PCDHGB1: variants seen among roughly 807,000 people sequenced by gnomAD.
PCDHGB1 encodes protocadherin gamma-B1.
Under a neutral mutation model 56.6 loss-of-function variants are expected in PCDHGB1, and 34 were observed. The observed-to-expected ratio is 0.60, with a 90% confidence interval of 0.46 to 0.80. The LOEUF is 0.80. PCDHGB1 is among the 30% of genes least tolerant of loss of function. The pLI, the probability that PCDHGB1 is intolerant of heterozygous loss-of-function variation, is 0.00. For missense variants in PCDHGB1, 1,278 were observed against 1,204.6 expected (o/e 1.06, Z -0.90); for synonymous variants, 561 against 505.9 (o/e 1.11, Z -1.46).
intron 1 of PCDHGB1, chr5:141,392,740 G>A: frequency 1.4e-6 from 2 of 1,435,578 alleles, no homozygotes. Context: ...CATCTCCATA[G>A]CTGCGGCAAG....
chr5:141,389,442 C>T, intron 1 of PCDHGB1: 2 of 1,610,586 alleles, frequency 1.2e-6, no homozygotes, highest in Non-Finnish European at 1.7e-6. Context: ...CGCCTTCGAC[C>T]ACGAGCAGCT....
chr5:141,398,689 G>T, intron 1 of PCDHGB1: 1 of 1,613,766 alleles, frequency 6.2e-7, no homozygotes, highest in Non-Finnish European at 8.5e-7. Context: ...GAAACAGGAT[G>T]GTAGTAAATA....
chr5:141,408,655 A>G (rs778418746), intron 1 of PCDHGB1: 1 of 1,613,928 alleles, frequency 6.2e-7, no homozygotes, highest in African/African-American at 1.3e-5. Flanking sequence ...CTGGTACACG[A>G]CTATCGCTTG....
At chr5:141,494,161 T>G (rs1420295862) in intron 1 of PCDHGB1, among the ~76,000 whole-genome samples, 3 of 152,052 alleles carry the variant, frequency 2.0e-5, no homozygotes, top group African/African-American at 7.3e-5. Flanking sequence ...TGGCACGGAG[T>G]TCTAGGGGTG....
chr5:141,404,725 G>A (rs1381392805), intron 1 of PCDHGB1: 1 of 1,613,980 alleles, frequency 6.2e-7, no homozygotes, highest in Non-Finnish European at 8.5e-7. Context: ...TGACCAAGGT[G>A]GTGGCAGTGG....
chr5:141,355,642 C>T lies in PCDHGB1; in HGVS notation c.2409+2973C>T, dbSNP rs559980851. The T allele has an allele frequency of 2.0e-5, 33 of 1,613,968 alleles. No homozygotes were observed. Among genetic ancestry groups the T allele is most frequent in the Middle Eastern group, 3.3e-4 (2 of 6,062 alleles). On this transcript the variant is annotated intron_variant, in intron 1 of 3. Transcript: ENST00000523390. Reference sequence around the variant, plus strand: ...AATAAAAGTTGCTGAAAATGAAAATCCTGGGGCAAGATTTCCTCTTCCTGA... The same window carrying T: ...AATAAAAGTTGCTGAAAATGAAAATTCTGGGGCAAGATTTCCTCTTCCTGA...
intron 1 of PCDHGB1, chr5:141,390,073 G>C: frequency 6.2e-7 from 1 of 1,614,074 alleles, no homozygotes; most frequent in Non-Finnish European, 8.5e-7. Context: ...CCTGGTCTCT[G>C]TGTTAAATCC....
chr5:141,370,336 G>A, intron 1 of PCDHGB1: 1 of 1,441,770 alleles, frequency 6.9e-7, no homozygotes, highest in Non-Finnish European at 9.4e-7. Flanking sequence ...GAGAACTCTT[G>A]GGATTATTTA....
rs1457099502 is a variant in PCDHGB1 at position 141,477,430 on chromosome 5, A to G, written c.2410-17377A>G. The G allele has an allele frequency of 1.2e-6, 2 of 1,614,162 alleles. No individual in the cohort carries two copies. The highest frequency in any genetic ancestry group is 1.7e-6 in the Non-Finnish European group (2 of 1,180,020). Reference sequence around the variant, plus strand: ...GAGACGCCGGAACCCCTTCCCTCTCAGCCCTTACAATAGTGCGTGTTCAAG... The same window carrying G: ...GAGACGCCGGAACCCCTTCCCTCTCGGCCCTTACAATAGTGCGTGTTCAAG... On this transcript the variant is annotated intron_variant, in intron 1 of 3. Transcript: ENST00000523390. This position sits in a 1 kb window ranked among gnomAD's most constrained non-coding sequence, Gnocchi z 4.9.
At position 141,505,504 on chromosome 5, in the gene PCDHGB1, T is replaced by C. The variant is rs756583857; in HGVS notation, c.2557+23T>C. The C allele has an allele frequency of 9.3e-6, 15 of 1,614,020 alleles. No individual in the cohort carries two copies. The African/African-American group carries it at 1.2e-4, about 13-fold the overall frequency. ...GTGGTAAGTGGTGTCAGTGTGTGTA[T>C]GGAAGAGTGGGAGACCTGGGGTTCT... On this transcript the variant is annotated intron_variant, in intron 3 of 3. Transcript: ENST00000523390.
chr5:141,376,611 C>G lies in PCDHGB1; in HGVS notation c.2409+23942C>G. 2.1e-6 allele frequency: 3 copies of G among 1,439,262 alleles called. No individual in the cohort carries two copies. The East Asian group carries it at 7.3e-5, about 35-fold the overall frequency. The allele number at this position is 1,439,262 out of a possible 1,614,324, so 89.2% of individuals were successfully genotyped here. A position where few individuals can be genotyped will look rare whatever the true frequency, so the allele number is the denominator to read the frequency against. On this transcript the variant is annotated intron_variant, in intron 1 of 3. Coordinates refer to ENST00000523390, the MANE Select transcript of PCDHGB1 (RefSeq NM_018922.3). ...GATCGGCTGTTATAGAAGCGAACCT[C>G]TTTTGGTACAGGAAGATTCGTGATT...
At chr5:141,502,082 G>A (rs538827992) in intron 2 of PCDHGB1, among the ~76,000 whole-genome samples, 1 of 152,252 alleles carries the variant, frequency 6.6e-6, no homozygotes, top group Non-Finnish European at 1.5e-5. Flanking sequence ...ACCTGGGGCT[G>A]AGAACACCTG....
At chr5:141,465,094 GT>G (rs138941665) in intron 1 of PCDHGB1, among the ~76,000 whole-genome samples, 203 of 148,178 alleles carry the variant, frequency 1.4e-3, no homozygotes, top group Admixed American at 7.3e-3. Context: ...TTTTCTAGTA[GT>G]TTTTTTTTTA....
At chr5:141,413,605 G>A in intron 1 of PCDHGB1, 1 of 1,613,854 alleles carries the variant, frequency 6.2e-7, no homozygotes, top group Non-Finnish European at 8.5e-7. Flanking sequence ...AAATCTAGAC[G>A]TAAAAATTAA....
rs1391608601 is a variant in PCDHGB1 at position 141,511,893 on chromosome 5, A to G, written c.*720A>G. The G allele has an allele frequency of 6.4e-6, 1 of 155,062 alleles. No homozygotes were observed. Among genetic ancestry groups the G allele is most frequent in the East Asian group, 1.9e-4 (1 of 5,240 alleles). 9.6% of individuals were successfully genotyped at this position (155,062 alleles called of 1,614,324 possible). A position where few individuals can be genotyped will look rare whatever the true frequency, so the allele number is the denominator to read the frequency against. On this transcript the variant is annotated 3_prime_UTR_variant, in exon 4 of 4. Transcript: ENST00000523390. ...TCCACTGCATGCCTTGACTTCCCCC[A>G]CCTCCTCCTCAAACAAGAGACTCCA...
Position 141,490,685 on chromosome 5 carries a change from A to G in PCDHGB1, c.2410-4122A>G, listed in dbSNP as rs2099703028. On this transcript the variant is annotated intron_variant, in intron 1 of 3. Coordinates refer to ENST00000523390, the MANE Select transcript of PCDHGB1 (RefSeq NM_018922.3). The surrounding 1 kb of genome is among the most constrained non-coding windows in gnomAD (Gnocchi z 5.4). ...TGCACTGTGGCTGCCTCAGATCCAGACACTGGGGATAATGCCCGCCTCACC... is the reference window on the plus strand; with the variant it reads ...TGCACTGTGGCTGCCTCAGATCCAGGCACTGGGGATAATGCCCGCCTCACC... The G allele has an allele frequency of 1.9e-6, 3 of 1,614,030 alleles. No individual in the cohort carries two copies. Among genetic ancestry groups the G allele is most frequent in the South Asian group, 2.2e-5 (2 of 91,082 alleles).
At chr5:141,408,563 G>T (rs1266893654) in intron 1 of PCDHGB1, 1 of 1,614,040 alleles carries the variant, frequency 6.2e-7, no homozygotes, top group South Asian at 1.1e-5. Flanking sequence ...TCATGTCATT[G>T]TGGTGATTGA....
intron 1 of PCDHGB1, among the ~76,000 whole-genome samples, chr5:141,454,607 T>C (rs1207742002): frequency 6.6e-6 from 1 of 151,574 alleles, no homozygotes; most frequent in Non-Finnish European, 1.5e-5. Flanking sequence ...GGTTTCTCCA[T>C]GTTGGTCAGG....
At chr5:141,365,327 G>T in intron 1 of PCDHGB1, 1 of 1,613,998 alleles carries the variant, frequency 6.2e-7, no homozygotes, top group East Asian at 2.2e-5. Flanking sequence ...CAGCGCTAAG[G>T]TGGTGGTCAC....
Sources: gnomAD v4.1 joint callset for allele counts (sites outside exome capture counted in the v4.1 genomes callset) on GRCh38, gnomAD v4.1.1 for gene constraint, Gnocchi (gnomAD v3.1) non-coding constraint, MANE v1.5 for transcripts, NCBI Gene and HGNC (gene_info 2026-07-23, HGNC 2026-07-21) for gene names.